Variants in C1orf146 observed in about 807,000 individuals in gnomAD.
C1orf146 encodes the protein protein SPO16 homolog.
C1orf146 carries 22 observed loss-of-function variants against 23.0 expected under a neutral mutation model. The observed-to-expected ratio is 0.96, with a 90% CI of 0.68 to 1.36. C1orf146 has a LOEUF of 1.36. Ranked by LOEUF, C1orf146 falls within the 40% of genes most tolerant of loss-of-function variation. The pLI is 0.00. For missense variants in C1orf146, 199 were observed against 206.8 expected, an observed-to-expected ratio of 0.96 and a Z score of 0.23; for synonymous variants, 59 against 65.3, an observed-to-expected ratio of 0.90 and a Z score of 0.47.
chr1:92,243,086 T>G (rs2100749936), intron 3 of C1orf146, among the ~76,000 whole-genome samples: 1 of 152,332 alleles, frequency 6.6e-6, no homozygotes, highest in South Asian at 2.1e-4. Context: ...CTACTTCATA[T>G]ACGTGATCTA....
intron 2 of C1orf146, among the ~76,000 whole-genome samples, chr1:92,234,198 AG>A (rs1292670997): frequency 1.4e-4 from 22 of 152,144 alleles, no homozygotes; most frequent in Admixed American, 3.3e-4. Context: ...CAGTTTTCAA[AG>A]GGAATGCTTC....
chr1:92,229,238 G>A (rs1652048473), intron 1 of C1orf146: 4 of 553,694 alleles, frequency 7.2e-6, no homozygotes, highest in Admixed American at 1.9e-5. Flanking sequence ...TGGTGGTGCC[G>A]CTGGACAGCA....
intron 1 of C1orf146, among the ~76,000 whole-genome samples, chr1:92,225,031 G>C (rs762139414): frequency 1.3e-5 from 2 of 151,908 alleles, no homozygotes; most frequent in Middle Eastern, 3.4e-3. Context: ...ATGAGCCACC[G>C]TGCCCGGCTT....
intron 1 of C1orf146, among the ~76,000 whole-genome samples, chr1:92,227,406 G>A (rs539046773): frequency 1.4e-3 from 213 of 152,210 alleles, no homozygotes; most frequent in African/African-American, 4.9e-3. Flanking sequence ...AGTCAGGCGT[G>A]GTGGCGCCTG....
chr1:92,242,205 A>G lies in C1orf146; in HGVS notation c.67-7A>G. On this transcript the variant is annotated splice_region_variant and splice_polypyrimidine_tract_variant and intron_variant, in intron 2 of 5. Coordinates refer to ENST00000370375, the MANE Select transcript of C1orf146 (RefSeq NM_001012425.2). Reference sequence around the variant, plus strand: ...TAAATTTGTATTTCTGATATTTTTTAAAAAAGAGTTATGAAGTTGCAACTG... The same window carrying G: ...TAAATTTGTATTTCTGATATTTTTTGAAAAAGAGTTATGAAGTTGCAACTG... 1 of 1,529,682 alleles carries G rather than the reference A, an allele frequency of 6.5e-7. No individual in the cohort carries two copies. The highest frequency in any genetic ancestry group is 8.9e-7 in the Non-Finnish European group (1 of 1,120,510). The allele number at this position is 1,529,682 out of a possible 1,614,324, so 94.8% of individuals were successfully genotyped here. A position where few individuals can be genotyped will look rare whatever the true frequency, so the allele number is the denominator to read the frequency against.
At chr1:92,245,453 A>G (rs538666787) in intron 5 of C1orf146, 87 bp from the exon 6 acceptor site, 1 of 1,023,806 alleles carries the variant, frequency 9.8e-7, no homozygotes, top group African/African-American at 1.7e-5. Context: ...ATTTGCTGAA[A>G]GAATGAAAGT....
chr1:92,238,442 C>A (rs1036048927), intron 2 of C1orf146, among the ~76,000 whole-genome samples: 1 of 152,156 alleles, frequency 6.6e-6, no homozygotes, highest in Non-Finnish European at 1.5e-5. Context: ...TAATATTCAG[C>A]ATTTCCGAAT....
At chr1:92,242,671 C>T (rs1226562228) in intron 3 of C1orf146, among the ~76,000 whole-genome samples, 5 of 152,034 alleles carry the variant, frequency 3.3e-5, no homozygotes, top group Non-Finnish European at 7.4e-5. Context: ...GAATGTTTTC[C>T]ATTAATTTTT....
chr1:92,224,340 G>T (rs1318293193), intron 1 of C1orf146, among the ~76,000 whole-genome samples: 1 of 152,152 alleles, frequency 6.6e-6, no homozygotes, highest in African/African-American at 2.4e-5. Flanking sequence ...GAGCCACCAT[G>T]CTCGGCCAGA....
At chr1:92,241,361 C>T (rs1652426603) in intron 2 of C1orf146, among the ~76,000 whole-genome samples, 1 of 151,362 alleles carries the variant, frequency 6.6e-6, no homozygotes, top group African/African-American at 2.4e-5. Context: ...CAGGCATGTG[C>T]CACCATGCCC....
At chr1:92,243,486 A>G (rs892163000) in intron 3 of C1orf146, among the ~76,000 whole-genome samples, 2 of 152,138 alleles carry the variant, frequency 1.3e-5, no homozygotes, top group Non-Finnish European at 2.9e-5. Context: ...AGCTGTGATT[A>G]CAGGCACATA....
chr1:92,228,582 A>G (rs888278262), intron 1 of C1orf146, among the ~76,000 whole-genome samples: 1 of 152,182 alleles, frequency 6.6e-6, no homozygotes, highest in African/African-American at 2.4e-5. Flanking sequence ...GACAGAAACA[A>G]CTGGTTCAGG....
intron 1 of C1orf146, among the ~76,000 whole-genome samples, chr1:92,219,608 C>G (rs1009596556): frequency 6.7e-6 from 1 of 149,114 alleles, no homozygotes; most frequent in Non-Finnish European, 1.5e-5. Flanking sequence ...GGTGTGCAGC[C>G]ACACCTAAGG....
intron 4 of C1orf146, 64 bp from the exon 5 acceptor site, chr1:92,244,715 C>T: frequency 9.7e-7 from 1 of 1,031,756 alleles, no homozygotes; most frequent in Non-Finnish European, 1.5e-6. Flanking sequence ...CTCTTCTTTC[C>T]ACTTTCTTAA....
chr1:92,230,939 T>A (rs778899978), intron 1 of C1orf146, among the ~76,000 whole-genome samples: 2 of 152,208 alleles, frequency 1.3e-5, no homozygotes, highest in Non-Finnish European at 2.9e-5. Flanking sequence ...CACCTGGCCT[T>A]TGTCCCATCA....
chr1:92,231,762 C>T (rs1022078439), intron 2 of C1orf146, among the ~76,000 whole-genome samples: 2 of 151,120 alleles, frequency 1.3e-5, no homozygotes, highest in African/African-American at 4.9e-5. Flanking sequence ...TAAGGAATTC[C>T]GGAAACAGTA....
chr1:92,236,808 C>G lies in C1orf146; in HGVS notation c.66+5322C>G, dbSNP rs1652289033. Among the ~76,000 whole-genome samples the G allele has an allele frequency of 2.6e-5, 4 of 152,288 alleles. No homozygotes were observed. The South Asian group carries it at 8.3e-4, about 32-fold the overall frequency. ...TATTTCTTGCTGGATTTGTTCGTTTCTTTTTATTCTTTTTTCTCTAAACTT... is the reference window on the plus strand; with the variant it reads ...TATTTCTTGCTGGATTTGTTCGTTTGTTTTTATTCTTTTTTCTCTAAACTT... On this transcript the variant is annotated intron_variant, in intron 2 of 5. Coordinates refer to ENST00000370375, the MANE Select transcript of C1orf146 (RefSeq NM_001012425.2).
chr1:92,227,748 G>C lies in C1orf146; in HGVS notation c.-39-3634G>C, dbSNP rs199860337. On this transcript the variant is annotated intron_variant, in intron 1 of 5. Transcript: ENST00000370375. Reference sequence around the variant, plus strand: ...AAAGCTATTATTCAGTTGCCTCCTAGCTACCATGTTTCTATTGAGAAGTCA... The same window carrying C: ...AAAGCTATTATTCAGTTGCCTCCTACCTACCATGTTTCTATTGAGAAGTCA... Among the ~76,000 whole-genome samples the C allele has an allele frequency of 9.2e-5, 14 of 151,868 alleles. No individual in the cohort carries two copies. The East Asian group carries it at 2.7e-3, about 29-fold the overall frequency.
intron 1 of C1orf146, among the ~76,000 whole-genome samples, chr1:92,226,630 C>T (rs554270488): frequency 1.3e-5 from 2 of 152,224 alleles, no homozygotes; most frequent in South Asian, 4.1e-4. Flanking sequence ...TATATGTTTT[C>T]CCATCCTTTT....
Sources: allele counts gnomAD v4.1 joint callset (sites outside exome capture counted in the v4.1 genomes callset), GRCh38; gene constraint gnomAD v4.1.1; transcripts MANE v1.5; gene names NCBI Gene and HGNC (gene_info 2026-07-23, HGNC 2026-07-21).